The following JMJD1C variants were observed in gnomAD, a reference collection of about 807,000 sequenced individuals.
JMJD1C encodes jumonji domain containing 1C.
A neutral mutation model predicts 245.3 loss-of-function variants in JMJD1C; 31 were observed. The ratio of observed to expected loss-of-function variants is 0.13; its 90% CI spans 0.09 to 0.17. JMJD1C has a LOEUF of 0.17. JMJD1C is among the 10% of genes least tolerant of loss of function. The pLI, the probability that JMJD1C is intolerant of heterozygous loss-of-function variation, is 1.00. For synonymous variants in JMJD1C, 1,057 were observed against 1,017.4 expected (o/e 1.04, Z -0.74); for missense variants, 2,691 against 3,000.2 (o/e 0.90, Z 2.41).
At position 63,516,457 on chromosome 10, in the gene JMJD1C, C is replaced by T. The variant is rs570848810; in HGVS notation, n.113+5281G>A. ...GATTTGGCAAATTATACCACAACCCCATATGCACCTGAATACCTGAAATCA... is the reference window on the plus strand; with the variant it reads ...GATTTGGCAAATTATACCACAACCCTATATGCACCTGAATACCTGAAATCA... On this transcript the variant is annotated intron_variant and non_coding_transcript_variant, in intron 1 of 3. Coordinates refer to the JMJD1C transcript ENST00000633035. 1.5e-3 allele frequency among the ~76,000 whole-genome samples: 235 copies of T among 152,300 alleles called. 1 individual carries two copies. The Middle Eastern group carries it at 0.017, about 11-fold the overall frequency.
intron 2 of JMJD1C, among the ~76,000 whole-genome samples, chr10:63,369,861 C>G (rs1332889424): frequency 6.6e-6 from 1 of 152,140 alleles, no homozygotes; most frequent in Non-Finnish European, 1.5e-5. Context: ...TTTTGTTTGC[C>G]TGGAGGCTTT....
At chr10:63,176,747 T>G in intron 23 of JMJD1C, 1 of 314,778 alleles carries the variant, frequency 3.2e-6, no homozygotes, top group Non-Finnish European at 5.9e-6. Flanking sequence ...CTATCTGGTT[T>G]CCTTCCTTAT....
At chr10:63,418,240 A>G (rs1949910738) in intron 1 of JMJD1C, among the ~76,000 whole-genome samples, 1 of 152,170 alleles carries the variant, frequency 6.6e-6, no homozygotes, top group Non-Finnish European at 1.5e-5. Context: ...TTTCAAACAA[A>G]ATCCCAAGTA....
At chr10:63,243,956 A>G (rs928503157) in intron 3 of JMJD1C, among the ~76,000 whole-genome samples, 4 of 152,186 alleles carry the variant, frequency 2.6e-5, no homozygotes, top group African/African-American at 9.7e-5. Flanking sequence ...TGGTTTCTAC[A>G]ACACTGGAAA....
At chr10:63,324,358 T>C (rs1181452541) in intron 2 of JMJD1C, among the ~76,000 whole-genome samples, 5 of 152,040 alleles carry the variant, frequency 3.3e-5, no homozygotes, top group Admixed American at 6.6e-5. Context: ...ATCAAACTCG[T>C]GTCTATCTAA....
intron 1 of JMJD1C, among the ~76,000 whole-genome samples, chr10:63,463,266 G>C (rs1952926224): frequency 6.6e-6 from 1 of 152,092 alleles, no homozygotes; most frequent in Non-Finnish European, 1.5e-5. Flanking sequence ...ACTGAGCTCA[G>C]GTGATCCTCC....
intron 20 of JMJD1C, 99 bp from the exon 21 acceptor site, chr10:63,184,837 T>TGTCTTATGGAAAGGTAGTC: frequency 9.0e-7 from 1 of 1,109,688 alleles, no homozygotes. Context: ...GCAGACTACC[T>TGTCTTATGGAAAGGTAGTC]TTCCATAAGA....
intron 2 of JMJD1C, among the ~76,000 whole-genome samples, chr10:63,313,816 T>C (rs1235381480): frequency 6.6e-6 from 1 of 152,246 alleles, no homozygotes; most frequent in Non-Finnish European, 1.5e-5. Context: ...TTGAGTTCGT[T>C]GTAGATTCTG....
At chr10:63,448,024 G>T (rs1222902808) in intron 1 of JMJD1C, among the ~76,000 whole-genome samples, 1 of 152,050 alleles carries the variant, frequency 6.6e-6, no homozygotes, top group African/African-American at 2.4e-5. Context: ...CAAGGTTATT[G>T]CTTTTGTCCT....
intron 1 of JMJD1C, among the ~76,000 whole-genome samples, chr10:63,400,416 G>C (rs1397291975): frequency 6.6e-6 from 1 of 152,132 alleles, no homozygotes; most frequent in Non-Finnish European, 1.5e-5. Flanking sequence ...TGTCCATTGA[G>C]GGAAGAGAAG....
At chr10:63,204,608 T>C in intron 10 of JMJD1C, 1 of 985,284 alleles carries the variant, frequency 1.0e-6, no homozygotes, top group Non-Finnish European at 1.2e-6. Context: ...TATGAATTCA[T>C]GGGGGTAGTG....
At chr10:63,194,706 T>A (rs1305018610) in intron 13 of JMJD1C, 1 of 215,458 alleles carries the variant, frequency 4.6e-6, no homozygotes, top group Non-Finnish European at 9.5e-6. Context: ...CTCTTAGCTG[T>A]TTTCTGTGCC....
At chr10:63,234,493 TAAAAAAAAAAA>T (rs71025129) in intron 3 of JMJD1C, among the ~76,000 whole-genome samples, 27 of 37,036 alleles carry the variant, frequency 7.3e-4, no homozygotes, top group African/African-American at 2.0e-3. Context: ...AACCTCCTCT[TAAAAAAAAAAA>T]AAAAAAAAAA....
At chr10:63,182,641 A>G (rs1255155800) in intron 22 of JMJD1C, among the ~76,000 whole-genome samples, 1 of 152,212 alleles carries the variant, frequency 6.6e-6, no homozygotes, top group East Asian at 1.9e-4. Flanking sequence ...GACTGTATCT[A>G]TGTCTTTGTA....
At chr10:63,265,396 C>T (rs1471806032) in intron 2 of JMJD1C, among the ~76,000 whole-genome samples, 4 of 151,936 alleles carry the variant, frequency 2.6e-5, no homozygotes, top group East Asian at 1.9e-4. Flanking sequence ...TCCAAATCTC[C>T]ACTACTTCTT....
At chr10:63,188,345 T>C (rs1844373407) in intron 18 of JMJD1C, among the ~76,000 whole-genome samples, 1 of 152,230 alleles carries the variant, frequency 6.6e-6, no homozygotes, top group Admixed American at 6.5e-5. Context: ...TGCATTTCTT[T>C]TTTTGGGGTG....
intron 1 of JMJD1C, among the ~76,000 whole-genome samples, chr10:63,428,274 A>C (rs1950556067): frequency 1.3e-5 from 2 of 152,246 alleles, no homozygotes; most frequent in African/African-American, 4.8e-5. Context: ...TTGCATACTA[A>C]GAATATTCTT....
chr10:63,390,752 T>C (rs1261564724), intron 1 of JMJD1C, among the ~76,000 whole-genome samples: 1 of 152,162 alleles, frequency 6.6e-6, no homozygotes, highest in African/African-American at 2.4e-5. Context: ...CAGTCATGAA[T>C]CATCTTAATA....
rs1222662737 is a variant in JMJD1C at position 63,258,792 on chromosome 10, C to A, written c.447+5859G>T. 2.6e-5 allele frequency among the ~76,000 whole-genome samples: 4 copies of A among 152,158 alleles called. No homozygotes were observed. The East Asian group carries it at 7.7e-4, about 29-fold the overall frequency. ...AGTTCTTATCATAGATTATAAACTT[C>A]TTGACAATAAGATAAAGATCATTAC... On this transcript the variant is annotated intron_variant, in intron 3 of 25. Coordinates refer to ENST00000399262, the MANE Select transcript of JMJD1C (RefSeq NM_032776.3).
Sources: gnomAD v4.1 joint callset for allele counts (sites outside exome capture counted in the v4.1 genomes callset) on GRCh38, gnomAD v4.1.1 for gene constraint, MANE v1.5 for transcripts, NCBI Gene and HGNC (gene_info 2026-07-23, HGNC 2026-07-21) for gene names.